PHLPP2: variants seen among roughly 807,000 people sequenced by gnomAD.
The protein encoded by PHLPP2 is PH domain and leucine rich repeat protein phosphatase 2.
In PHLPP2, 66 loss-of-function variants were observed where a neutral mutation model predicts 124.9. That is an observed-to-expected ratio of 0.53 (90% CI 0.43 to 0.65). The LOEUF (loss-of-function observed/expected upper bound fraction) is 0.65. PHLPP2 is among the 30% of genes least tolerant of loss of function. PHLPP2 has a pLI of 0.00. For synonymous variants in PHLPP2, 681 were observed against 624.7 expected (o/e 1.09, Z -1.34); for missense variants, 1,685 against 1,600.4 (o/e 1.05, Z -0.90).
chr16:71,696,397 G>C lies in PHLPP2; in HGVS notation c.419-5688C>G, dbSNP rs986886605. 3.3e-5 allele frequency among the ~76,000 whole-genome samples: 5 copies of C among 152,122 alleles called. No individual in the cohort carries two copies. The South Asian group carries it at 1.0e-3, about 31-fold the overall frequency. ...CACGCCTGCAATCCTAGCACTTCAG[G>C]AGGCCAAGGTGGGCAGATCACCTGA... On this transcript the variant is annotated intron_variant, in intron 3 of 18. Coordinates refer to ENST00000568954, the MANE Select transcript of PHLPP2 (RefSeq NM_015020.3).
chr16:71,657,805 GAAAGGGGTAGGAGGATC>G (rs1212038781), intron 15 of PHLPP2, among the ~76,000 whole-genome samples: 2 of 152,212 alleles, frequency 1.3e-5, no homozygotes, highest in Non-Finnish European at 2.9e-5. Flanking sequence ...GGAGAGAAAG[GAAAGGGGTAGGAGGATC>G]AAAGGGGTAG....
At chr16:71,670,987 A>T (rs1255674999) in intron 10 of PHLPP2, among the ~76,000 whole-genome samples, 1 of 152,086 alleles carries the variant, frequency 6.6e-6, no homozygotes. Flanking sequence ...GGGGAGGGGG[A>T]CACTGAGGGA....
chr16:71,714,882 C>CT, intron 1 of PHLPP2, 81 bp from the exon 2 acceptor site: 2 of 1,499,486 alleles, frequency 1.3e-6, no homozygotes, highest in Non-Finnish European at 1.8e-6. Flanking sequence ...CCACCTCTCT[C>CT]TACTTTATAT....
chr16:71,658,103 C>T (rs2044757018), intron 15 of PHLPP2, 130 bp downstream of exon 15: 1 of 746,460 alleles, frequency 1.3e-6, no homozygotes, highest in Admixed American at 2.7e-5. Flanking sequence ...AAGAAGAGAA[C>T]CTAGGGGCTT....
At chr16:71,713,052 T>C (rs1053128253) in intron 2 of PHLPP2, among the ~76,000 whole-genome samples, 1 of 152,082 alleles carries the variant, frequency 6.6e-6, no homozygotes, top group Non-Finnish European at 1.5e-5. Flanking sequence ...TAAAAATATT[T>C]TCTTCACATT....
At chr16:71,687,141 T>C (rs1264951446) in intron 4 of PHLPP2, among the ~76,000 whole-genome samples, 3 of 152,240 alleles carry the variant, frequency 2.0e-5, no homozygotes, top group African/African-American at 7.2e-5. Flanking sequence ...ATCTCACTAT[T>C]ATTTTTATTT....
intron 2 of PHLPP2, among the ~76,000 whole-genome samples, chr16:71,708,614 C>T (rs1228815970): frequency 2.6e-5 from 4 of 152,284 alleles, no homozygotes; most frequent in African/African-American, 9.6e-5. Context: ...GGTGAAACCC[C>T]GTCTCTACTA....
intron 18 of PHLPP2, among the ~76,000 whole-genome samples, chr16:71,652,160 A>C (rs1386181285): frequency 6.6e-6 from 1 of 152,262 alleles, no homozygotes; most frequent in Non-Finnish European, 1.5e-5. Context: ...CAAAATATAC[A>C]AAGACTCTTA....
chr16:71,723,811 T>C, intron 1 of PHLPP2: 1 of 1,287,354 alleles, frequency 7.8e-7, no homozygotes, highest in Non-Finnish European at 9.9e-7. Context: ...TCGCGGGCGC[T>C]TCGGGCGGCT....
At chr16:71,706,661 A>C (rs551006457) in intron 2 of PHLPP2, among the ~76,000 whole-genome samples, 1 of 152,296 alleles carries the variant, frequency 6.6e-6, no homozygotes, top group Admixed American at 6.5e-5. Context: ...AAAATGTTTA[A>C]TTATTACAAA....
chr16:71,685,237 G>T (rs2045043979), intron 4 of PHLPP2, among the ~76,000 whole-genome samples: 1 of 152,200 alleles, frequency 6.6e-6, no homozygotes, highest in Admixed American at 6.5e-5. Flanking sequence ...TGAGGCAGGA[G>T]AATCGCTTGA....
intron 4 of PHLPP2, among the ~76,000 whole-genome samples, chr16:71,685,631 C>T (rs2045048038): frequency 1.3e-5 from 2 of 152,080 alleles, no homozygotes; most frequent in Non-Finnish European, 2.9e-5. Context: ...TCATTAGTAA[C>T]AAATCATTGC....
At chr16:71,722,834 G>A (rs907565302) in intron 1 of PHLPP2, among the ~76,000 whole-genome samples, 5 of 152,100 alleles carry the variant, frequency 3.3e-5, no homozygotes, top group African/African-American at 1.2e-4. Flanking sequence ...TCTTTCAAAT[G>A]CTAGTAAAAA....
intron 5 of PHLPP2, among the ~76,000 whole-genome samples, chr16:71,683,045 C>A (rs1158740840): frequency 6.6e-6 from 1 of 152,024 alleles, no homozygotes; most frequent in Non-Finnish European, 1.5e-5. Context: ...ATGGCGCACA[C>A]CTGTAATCCC....
At chr16:71,654,631 G>C (rs1351388548) in intron 17 of PHLPP2, among the ~76,000 whole-genome samples, 2 of 152,188 alleles carry the variant, frequency 1.3e-5, no homozygotes, top group Non-Finnish European at 2.9e-5. Flanking sequence ...AGCGTTCTGA[G>C]CACACTTAAC....
intron 2 of PHLPP2, among the ~76,000 whole-genome samples, chr16:71,709,560 G>C (rs1196066724): frequency 6.6e-6 from 1 of 152,162 alleles, no homozygotes; most frequent in African/African-American, 2.4e-5. Context: ...TTTCAGACAG[G>C]AGGCAATGAT....
chr16:71,652,976 C>T lies in PHLPP2; in HGVS notation c.2631G>A (p.Leu877=), dbSNP rs1302765712. Residue 877 remains leucine (L), a synonymous_variant, in exon 18 of 19, where the codon CTG becomes CTA. Transcript: ENST00000568954. ...AGQKLGSSAL[L]CYIRPDTADP... ...CGGCAGTGTCAGGGCGGATGTAGCACAGGAGAGCGGAGGAGCCCAACTTCT... is the reference window on the plus strand; with the variant it reads ...CGGCAGTGTCAGGGCGGATGTAGCATAGGAGAGCGGAGGAGCCCAACTTCT... 5 of 1,613,768 alleles carry T rather than the reference C, an allele frequency of 3.1e-6. No individual in the cohort carries two copies. Among genetic ancestry groups the T allele is most frequent in the Non-Finnish European group, 2.5e-6 (3 of 1,180,030 alleles).
At chr16:71,706,946 A>ATTTT (rs66510124) in intron 2 of PHLPP2, among the ~76,000 whole-genome samples, 1 of 71,230 alleles carries the variant, frequency 1.4e-5, no homozygotes. Flanking sequence ...AAGATACACC[A>ATTTT]TTTTTTTTTT....
chr16:71,677,220 C>G (rs1330859520), intron 8 of PHLPP2: 8 of 157,142 alleles, frequency 5.1e-5, no homozygotes, highest in Admixed American at 3.6e-4. Context: ...TATCTACGAA[C>G]AGTTAAACAC....
Sources: gnomAD v4.1 joint callset for allele counts (sites outside exome capture counted in the v4.1 genomes callset) on GRCh38, gnomAD v4.1.1 for gene constraint, MANE v1.5 for transcripts, NCBI Gene and HGNC (gene_info 2026-07-23, HGNC 2026-07-21) for gene names.